Variants in FAM13A observed in about 807,000 individuals in gnomAD.
The protein encoded by FAM13A is family with sequence similarity 13 member A, also known as protein FAM13A.
A neutral mutation model predicts 129.6 loss-of-function variants in FAM13A; 76 were observed. That is an observed-to-expected ratio of 0.59 (90% CI 0.49 to 0.71). The LOEUF (loss-of-function observed/expected upper bound fraction) is 0.71, where lower values mean the gene tolerates loss of function less well. Ranked by LOEUF, FAM13A falls within the 30% of genes least tolerant of loss-of-function variation. The pLI is 0.00. For synonymous variants in FAM13A, 443 were observed against 449.9 expected (o/e 0.98, Z 0.20); for missense variants, 1,108 against 1,249.3 (o/e 0.89, Z 1.70).
At chr4:88,838,910 ATT>A (rs1735323419) in intron 7 of FAM13A, among the ~76,000 whole-genome samples, 9 of 152,092 alleles carry the variant, frequency 5.9e-5, no homozygotes, top group Non-Finnish European at 1.5e-5. Context: ...TATTAGTGAG[ATT>A]ACACTTACTT....
chr4:88,886,266 C>G (rs1363716164), intron 6 of FAM13A, among the ~76,000 whole-genome samples: 2 of 152,228 alleles, frequency 1.3e-5, no homozygotes, highest in Non-Finnish European at 1.5e-5. Context: ...GGAGCCAGCC[C>G]AAATGCCTAT....
chr4:88,812,550 C>A (rs139527560), intron 7 of FAM13A, among the ~76,000 whole-genome samples: 93 of 152,272 alleles, frequency 6.1e-4, no homozygotes, highest in African/African-American at 1.9e-3. Flanking sequence ...CCTTTCTCCA[C>A]CTCTCTCTGC....
intron 2 of FAM13A, among the ~76,000 whole-genome samples, chr4:89,023,309 T>C (rs1484720214): frequency 6.6e-6 from 1 of 152,198 alleles, no homozygotes; most frequent in Non-Finnish European, 1.5e-5. Context: ...CCTGGTCAAA[T>C]ATGAAATCCT....
intron 7 of FAM13A, among the ~76,000 whole-genome samples, chr4:88,834,904 C>G (rs955641417): frequency 2.0e-5 from 3 of 152,070 alleles, no homozygotes; most frequent in Admixed American, 1.3e-4. Flanking sequence ...CTCTTCCATT[C>G]CCCTTCACCC....
intron 6 of FAM13A, among the ~76,000 whole-genome samples, chr4:88,865,743 C>A (rs1353239583): frequency 6.6e-6 from 1 of 152,202 alleles, no homozygotes; most frequent in African/African-American, 2.4e-5. Context: ...AATATATAAA[C>A]AAATGGGCAC....
intron 7 of FAM13A, among the ~76,000 whole-genome samples, chr4:88,815,273 C>T (rs1273601203): frequency 6.6e-6 from 1 of 152,072 alleles, no homozygotes; most frequent in Non-Finnish European, 1.5e-5. Context: ...TACTTAGGCA[C>T]CTTAATTTTA....
chr4:88,734,890 A>G (rs1432160628), intron 21 of FAM13A, among the ~76,000 whole-genome samples: 2 of 152,238 alleles, frequency 1.3e-5, no homozygotes, highest in Non-Finnish European at 2.9e-5. Context: ...GGAGGCATGA[A>G]AGGGTCTCAG....
chr4:88,922,823 A>G (rs1475088534), intron 5 of FAM13A, among the ~76,000 whole-genome samples: 1 of 152,226 alleles, frequency 6.6e-6, no homozygotes, highest in Non-Finnish European at 1.5e-5. Context: ...AAAGAAAAAA[A>G]GAGAGAAGAA....
intron 7 of FAM13A, among the ~76,000 whole-genome samples, chr4:88,842,049 A>G (rs548298259): frequency 1.3e-5 from 2 of 152,378 alleles, no homozygotes; most frequent in African/African-American, 4.8e-5. Flanking sequence ...GTTCATACAT[A>G]CAATGAAATA....
rs561566367 is a variant in FAM13A at position 88,871,664 on chromosome 4, G to A, written c.844-20481C>T. On this transcript the variant is annotated intron_variant, in intron 6 of 23. Transcript: ENST00000264344. ...GACTATGTGAAAAGACCAAATCTAC[G>A]TTTGATTGGTGTATCTGAAAGTGAT... Among the ~76,000 whole-genome samples, 23 of 152,272 alleles carry A rather than the reference G, an allele frequency of 1.5e-4. No individual in the cohort carries two copies. In the East Asian group the frequency reaches 4.2e-3, roughly 28 times the overall value.
chr4:88,805,348 G>A (rs1007537427), intron 7 of FAM13A, among the ~76,000 whole-genome samples: 1 of 152,110 alleles, frequency 6.6e-6, no homozygotes, highest in Non-Finnish European at 1.5e-5. Context: ...TCAAGTATTC[G>A]TATATTACAC....
At chr4:88,880,046 A>T (rs1046550503) in intron 6 of FAM13A, among the ~76,000 whole-genome samples, 5 of 152,126 alleles carry the variant, frequency 3.3e-5, no homozygotes, top group South Asian at 4.1e-4. Flanking sequence ...ATATATTATT[A>T]TTCCTCTCTA....
At chr4:88,958,435 G>GCAGCTC (rs1449434892) in intron 4 of FAM13A, among the ~76,000 whole-genome samples, 1 of 152,132 alleles carries the variant, frequency 6.6e-6, no homozygotes, top group African/African-American at 2.4e-5. Flanking sequence ...CTCAGCCACT[G>GCAGCTC]CAGCTCCAGC....
intron 4 of FAM13A, among the ~76,000 whole-genome samples, chr4:88,988,372 T>A (rs1449105286): frequency 6.6e-6 from 1 of 152,208 alleles, no homozygotes; most frequent in Non-Finnish European, 1.5e-5. Context: ...GAATGGACTC[T>A]CCAAATGATA....
At chr4:88,886,920 A>G (rs1025106357) in intron 6 of FAM13A, among the ~76,000 whole-genome samples, 6 of 149,558 alleles carry the variant, frequency 4.0e-5, no homozygotes, top group Middle Eastern at 3.4e-3. Flanking sequence ...AAAAAAAAAG[A>G]AAGAAATTAT....
intron 1 of FAM13A, among the ~76,000 whole-genome samples, chr4:89,041,291 CCTTGA>C (rs1242448092): frequency 2.6e-5 from 4 of 152,118 alleles, no homozygotes; most frequent in Non-Finnish European, 5.9e-5. Context: ...AAGTCAAATA[CCTTGA>C]CTTGATCATT....
chr4:88,878,913 G>A (rs138626494), intron 6 of FAM13A, among the ~76,000 whole-genome samples: 2 of 152,328 alleles, frequency 1.3e-5, no homozygotes, highest in East Asian at 3.9e-4. Context: ...CACATTGTAG[G>A]TAAGGTGTTA....
chr4:88,749,955 G>C, intron 15 of FAM13A, 46 bp from the exon 16 acceptor site: 1 of 1,605,486 alleles, frequency 6.2e-7, no homozygotes, highest in Non-Finnish European at 8.5e-7. Context: ...AGCAGTCACT[G>C]CTTGCCTAGA....
chr4:88,920,903 T>C (rs1043245526), intron 5 of FAM13A, among the ~76,000 whole-genome samples: 24 of 152,186 alleles, frequency 1.6e-4, no homozygotes, highest in African/African-American at 5.1e-4. Context: ...ACGTGAAGAA[T>C]GTAGAAGCCT....
Sources: gnomAD v4.1 joint callset for allele counts (sites outside exome capture counted in the v4.1 genomes callset) on GRCh38, gnomAD v4.1.1 for gene constraint, MANE v1.5 for transcripts, NCBI Gene and HGNC (gene_info 2026-07-23, HGNC 2026-07-21) for gene names.